SORBS2: variants seen among roughly 807,000 people sequenced by gnomAD.
The protein encoded by SORBS2 is sorbin and SH3 domain containing 2.
Under a neutral mutation model 97.7 loss-of-function variants are expected in SORBS2, and 46 were observed. The observed-to-expected ratio is 0.47, with a 90% CI of 0.37 to 0.60. SORBS2 has a LOEUF of 0.60. Ranked by LOEUF, SORBS2 falls within the 20% of genes least tolerant of loss-of-function variation. The pLI is 0.00. For synonymous variants in SORBS2, 476 were observed against 473.4 expected, an observed-to-expected ratio of 1.01 and a Z score of -0.07; for missense variants, 1,316 against 1,282.3, an observed-to-expected ratio of 1.03 and a Z score of -0.40.
At chr4:185,718,749 G>A (rs1235871107) in intron 2 of SORBS2, among the ~76,000 whole-genome samples, 1 of 152,186 alleles carries the variant, frequency 6.6e-6, no homozygotes, top group African/African-American at 2.4e-5. Context: ...AACTGGGTGA[G>A]TGTCTTTAGG....
At chr4:185,791,056 T>TA (rs1024438425) in intron 1 of SORBS2, among the ~76,000 whole-genome samples, 2 of 152,230 alleles carry the variant, frequency 1.3e-5, no homozygotes, top group African/African-American at 4.8e-5. Context: ...TGAGGCTTAT[T>TA]AAAATGCCAC....
chr4:185,925,747 TC>T (rs1415135142), intron 1 of SORBS2, among the ~76,000 whole-genome samples: 1 of 152,126 alleles, frequency 6.6e-6, no homozygotes, highest in Admixed American at 6.5e-5. Flanking sequence ...TTACCTCCTC[TC>T]AGAGTTACGA....
At chr4:185,721,529 G>A (rs898551217) in intron 2 of SORBS2, among the ~76,000 whole-genome samples, 2 of 152,160 alleles carry the variant, frequency 1.3e-5, no homozygotes, top group African/African-American at 4.8e-5. Flanking sequence ...AAACTTCCTG[G>A]AGCAGCCCAA....
chr4:185,601,444 C>T (rs1356405683), intron 12 of SORBS2, among the ~76,000 whole-genome samples: 1 of 151,780 alleles, frequency 6.6e-6, no homozygotes, highest in Non-Finnish European at 1.5e-5. Flanking sequence ...GGGAACTACT[C>T]GAGCTGCCAC....
chr4:185,806,680 G>C (rs1370802824), intron 1 of SORBS2, among the ~76,000 whole-genome samples: 8 of 151,598 alleles, frequency 5.3e-5, no homozygotes, highest in Non-Finnish European at 8.8e-5. Context: ...GGATGGTCTC[G>C]ATCTCCTGAC....
intron 1 of SORBS2, among the ~76,000 whole-genome samples, chr4:185,821,926 G>A (rs566912285): frequency 4.6e-5 from 7 of 152,260 alleles, no homozygotes; most frequent in Non-Finnish European, 8.8e-5. Context: ...TTAGTTGCCC[G>A]AGGAGATATC....
chr4:185,751,190 A>AAAAAAAAAAAAAAAAAAAGAG lies in SORBS2; in HGVS notation c.-198+24036_-198+24037insCTCTTTTTTTTTTTTTTTTTT. Among the ~76,000 whole-genome samples the AAAAAAAAAAAAAAAAAAAGAG allele has an allele frequency of 3.8e-3, 327 of 86,398 alleles. 13 individuals carry two copies. Among genetic ancestry groups the AAAAAAAAAAAAAAAAAAAGAG allele is most frequent in the Non-Finnish European group, 6.7e-3 (265 of 39,620 alleles). The allele number at this position is 86,398 out of a possible 152,430, so 56.7% of individuals were successfully genotyped here. The stretch of plus-strand genomic sequence containing the variant: ...TAAATACTAAAAAAAAAAAAAAAAA[A>AAAAAAAAAAAAAAAAAAAGAG]AGAGAAAGAGAGAGAAATTCAGGAA... On this transcript the variant is annotated intron_variant, in intron 2 of 20. Coordinates refer to the SORBS2 transcript ENST00000284776.
chr4:185,777,394 GCAGA>G (rs2099005099), intron 1 of SORBS2, among the ~76,000 whole-genome samples: 2 of 152,154 alleles, frequency 1.3e-5, no homozygotes, highest in African/African-American at 4.8e-5. Context: ...AAGCCTAGCT[GCAGA>G]CAGACACATT....
At position 185,903,337 on chromosome 4, in the gene SORBS2, C is replaced by T. The variant is rs191688203; in HGVS notation, c.-338+52859G>A. Among the ~76,000 whole-genome samples, 5 of 152,302 alleles carry T rather than the reference C, an allele frequency of 3.3e-5. No homozygotes were observed. The East Asian group carries it at 9.6e-4, about 29-fold the overall frequency. On this transcript the variant is annotated intron_variant, in intron 1 of 20. Coordinates refer to the SORBS2 transcript ENST00000284776. ...GTAAAGCATGTGACATAGTGCCTGA[C>T]AGATACTCAGTAAGTTGTAGGAGGT...
chr4:185,711,445 T>A (rs923494170), intron 2 of SORBS2, among the ~76,000 whole-genome samples: 1 of 152,242 alleles, frequency 6.6e-6, no homozygotes, highest in Non-Finnish European at 1.5e-5. Context: ...TGTAGAAATG[T>A]ATAGGTCTAA....
At chr4:185,857,821 C>T (rs2088595) in intron 1 of SORBS2, among the ~76,000 whole-genome samples, 145,566 of 152,250 alleles carry the variant, frequency 0.96, 69,970 homozygotes, top group East Asian at 1. Flanking sequence ...AATTCCAGCC[C>T]GGTGAATTCT....
At chr4:185,783,257 G>A (rs2099039917) in intron 1 of SORBS2, among the ~76,000 whole-genome samples, 1 of 152,186 alleles carries the variant, frequency 6.6e-6, no homozygotes, top group Admixed American at 6.5e-5. Flanking sequence ...GAATGAGGCT[G>A]GAAACACAAA....
chr4:185,602,466 G>A (rs2096285490), intron 12 of SORBS2, among the ~76,000 whole-genome samples: 1 of 152,190 alleles, frequency 6.6e-6, no homozygotes, highest in African/African-American at 2.4e-5. Context: ...TACGTTTATG[G>A]AAGATTCTGG....
chr4:185,737,322 G>T (rs1180558324), intron 2 of SORBS2, among the ~76,000 whole-genome samples: 1 of 152,120 alleles, frequency 6.6e-6, no homozygotes, highest in Non-Finnish European at 1.5e-5. Context: ...TGGGGACAGG[G>T]GGTGTGGAGA....
intron 2 of SORBS2, among the ~76,000 whole-genome samples, chr4:185,766,010 AT>A (rs544581086): frequency 5.9e-5 from 9 of 152,238 alleles, no homozygotes; most frequent in Non-Finnish European, 1.3e-4. Flanking sequence ...CAGAAATACA[AT>A]TTTTAAAGAA....
intron 8 of SORBS2, 30 bp downstream of exon 20, chr4:185,620,033 G>T: frequency 7.4e-7 from 1 of 1,359,446 alleles, no homozygotes; most frequent in Non-Finnish European, 1.1e-6. Context: ...GTGTTGCTGT[G>T]AAAGACTCCA....
intron 1 of SORBS2, among the ~76,000 whole-genome samples, chr4:185,900,304 G>A (rs756377976): frequency 1.5e-4 from 23 of 152,142 alleles, no homozygotes; most frequent in African/African-American, 3.9e-4. Flanking sequence ...AGAGCTACCC[G>A]TTCCATACTG....
chr4:185,630,359 T>A (rs2096887022), intron 5 of SORBS2, among the ~76,000 whole-genome samples, 190 bp downstream of exon 17: 1 of 152,160 alleles, frequency 6.6e-6, no homozygotes, highest in Non-Finnish European at 1.5e-5. Flanking sequence ...AGTTCACTAA[T>A]TTTTTAGAAA....
chr4:185,659,670 C>T (rs200880344), upstream of SORBS2, among the ~76,000 whole-genome samples: 1 of 152,160 alleles, frequency 6.6e-6, no homozygotes, highest in Non-Finnish European at 1.5e-5. Context: ...ATCCACCCGC[C>T]TCGGCCTTCC....
Sources: gnomAD v4.1 joint callset for allele counts (sites outside exome capture counted in the v4.1 genomes callset) on GRCh38, gnomAD v4.1.1 for gene constraint, MANE v1.5 for transcripts, NCBI Gene and HGNC (gene_info 2026-07-23, HGNC 2026-07-21) for gene names.